The following INSR variants were observed in gnomAD, a reference collection of about 807,000 sequenced individuals.
INSR encodes insulin receptor, also known as IR.
A neutral mutation model predicts 142.6 loss-of-function variants in INSR; 67 were observed. That is an observed-to-expected ratio of 0.47 (90% CI 0.39 to 0.58). INSR has a LOEUF of 0.58. INSR is among the 20% of genes least tolerant of loss of function. The pLI, the probability that INSR is intolerant of heterozygous loss-of-function variation, is 0.00. For missense variants in INSR, 1,248 were observed against 1,833.2 expected (o/e 0.68, Z 5.83); for synonymous variants, 756 against 743.1 (o/e 1.02, Z -0.28).
chr19:7,168,182 C>T lies in INSR; in HGVS notation c.1484-88G>A. ...GGGACCCCCACACTTCCTGGAGGGA[C>T]CGTGAGAAGGCAGAGGTGACGCTGC... On this transcript the variant is annotated intron_variant, in intron 6 of 21. Transcript: ENST00000302850. The surrounding 1 kb of genome is among the most constrained non-coding windows in gnomAD (Gnocchi z 4.3). 1 of 1,374,714 alleles carries T rather than the reference C, an allele frequency of 7.3e-7. No homozygotes were observed. The highest frequency in any genetic ancestry group is 1.0e-6 in the Non-Finnish European group (1 of 970,052). The allele number at this position is 1,374,714 out of a possible 1,614,324, so 85.2% of individuals were successfully genotyped here. A position where few individuals can be genotyped will look rare whatever the true frequency, so the allele number is the denominator to read the frequency against.
At chr19:7,282,320 G>A (rs555031312) in intron 1 of INSR, among the ~76,000 whole-genome samples, 17 of 151,486 alleles carry the variant, frequency 1.1e-4, no homozygotes, top group South Asian at 2.1e-4. Context: ...AGCCGAGATC[G>A]TGCCACTACA....
chr19:7,194,285 T>C lies in INSR; in HGVS notation c.653-9648A>G, dbSNP rs959142305. Among the ~76,000 whole-genome samples, 7 of 151,784 alleles carry C rather than the reference T, an allele frequency of 4.6e-5. No individual in the cohort carries two copies. The South Asian group carries it at 1.2e-3, about 27-fold the overall frequency. ...TACAAAAATTAGCTGGGCGTGGTGG[T>C]AGGCACCTATAATCCCAGCTACTTG... On this transcript the variant is annotated intron_variant, in intron 2 of 21. Coordinates refer to ENST00000302850, the MANE Select transcript of INSR (RefSeq NM_000208.4).
intron 1 of INSR, among the ~76,000 whole-genome samples, chr19:7,282,749 G>A (rs939057274): frequency 1.3e-5 from 2 of 151,940 alleles, no homozygotes; most frequent in African/African-American, 4.8e-5. Context: ...CACTTTGGGA[G>A]GCCGAGGTGG....
rs868427292 is a variant in INSR, at chr19:7,116,895, C to G, written c.*161G>C. 2 of 669,032 alleles carry G rather than the reference C, an allele frequency of 3.0e-6. No homozygotes were observed. The highest frequency in any genetic ancestry group is 5.4e-6 in the Non-Finnish European group (2 of 371,140). The allele number at this position is 669,032 out of a possible 1,614,324, so 41.4% of individuals were successfully genotyped here. A position where few individuals can be genotyped will look rare whatever the true frequency, so the allele number is the denominator to read the frequency against. ...TCTGCAGGACTAGTTAAATTGGTAA[C>G]CAAACGAGTCCACCTTAAGATGAAC... On this transcript the variant is annotated 3_prime_UTR_variant, in exon 22 of 22. Transcript: ENST00000302850.
intron 2 of INSR, among the ~76,000 whole-genome samples, chr19:7,246,884 A>G (rs1976552696): frequency 1.3e-5 from 2 of 151,026 alleles, no homozygotes; most frequent in Admixed American, 1.3e-4. Flanking sequence ...GGTTTGTTAC[A>G]CAGCAAAAGC....
Position 7,213,785 on chromosome 19 carries a change from C to T in INSR, c.653-29148G>A, listed in dbSNP as rs529252773. On this transcript the variant is annotated intron_variant, in intron 2 of 21. Transcript: ENST00000302850. ...CTGGTGAGTCACGAAGTCAGGAGTT[C>T]GAGACCAGCCTGACCAACATGGTGA... Among the ~76,000 whole-genome samples the T allele has an allele frequency of 5.3e-5, 8 of 152,278 alleles. No individual in the cohort carries two copies. The East Asian group carries it at 1.4e-3, about 26-fold the overall frequency.
At chr19:7,187,336 C>T (rs956880843) in intron 2 of INSR, among the ~76,000 whole-genome samples, 1 of 152,014 alleles carries the variant, frequency 6.6e-6, no homozygotes, top group Non-Finnish European at 1.5e-5. Flanking sequence ...CTCACCCTGG[C>T]CCCCCAAAGT....
intron 2 of INSR, among the ~76,000 whole-genome samples, chr19:7,243,460 G>A (rs1423584629): frequency 1.3e-5 from 2 of 151,688 alleles, no homozygotes; most frequent in Admixed American, 6.6e-5. Flanking sequence ...TGGCCAGGCT[G>A]GTCTCGAACC....
At chr19:7,136,558 G>A (rs1027269373) in intron 13 of INSR, among the ~76,000 whole-genome samples, 1 of 151,736 alleles carries the variant, frequency 6.6e-6, no homozygotes, top group Admixed American at 6.6e-5. Flanking sequence ...CTGTTCCTGG[G>A]ACCCAAGGGT....
At chr19:7,172,195 A>G (rs1490728543) in intron 5 of INSR, 95 bp downstream of exon 5, 1 of 1,359,004 alleles carries the variant, frequency 7.4e-7, no homozygotes, top group Non-Finnish European at 1.0e-6. Context: ...TACAGGCATC[A>G]GCCACCACAC....
At chr19:7,226,173 C>T (rs1600057892) in intron 2 of INSR, among the ~76,000 whole-genome samples, 3 of 152,178 alleles carry the variant, frequency 2.0e-5, no homozygotes, top group East Asian at 1.9e-4. Flanking sequence ...TTTGGGAGGC[C>T]GAGGTGGGAG....
intron 8 of INSR, among the ~76,000 whole-genome samples, chr19:7,163,858 A>C (rs552688247): frequency 6.8e-6 from 1 of 146,378 alleles, no homozygotes; most frequent in African/African-American, 2.5e-5. Flanking sequence ...TGGGCGAATC[A>C]TCTGAATCAC....
At chr19:7,243,172 A>G (rs1976413760) in intron 2 of INSR, among the ~76,000 whole-genome samples, 1 of 144,860 alleles carries the variant, frequency 6.9e-6, no homozygotes, top group Non-Finnish European at 1.5e-5. Context: ...AAGATGAATC[A>G]CGGCCCATTT....
In INSR at chr19:7,256,548, T is replaced by A. The variant is rs138339275; in HGVS notation, c.652+10797A>T. The stretch of plus-strand genomic sequence containing the variant: ...GGGAGGTTGAAGCAGGTGGATTGCT[T>A]GGGCCCAGCAGTTCAAGACCAGCCT... On this transcript the variant is annotated intron_variant, in intron 2 of 21. Coordinates refer to ENST00000302850, the MANE Select transcript of INSR (RefSeq NM_000208.4). Among the ~76,000 whole-genome samples, 123 of 152,190 alleles carry A rather than the reference T, an allele frequency of 8.1e-4. 5 individuals carry two copies. In the East Asian group the frequency reaches 0.018, roughly 23 times the overall value.
chr19:7,289,412 T>C (rs865957318), intron 1 of INSR, among the ~76,000 whole-genome samples: 2,741 of 148,376 alleles, frequency 0.018, 92 homozygotes, highest in African/African-American at 0.063. Flanking sequence ...TTTCTTTTTT[T>C]TTTTTTTTTT....
At position 7,117,418 on chromosome 19, in the gene INSR, G is replaced by A. The variant is rs1299714470; in HGVS notation, c.3795-8C>T. 3.1e-6 allele frequency: 5 copies of A among 1,606,346 alleles called. No individual in the cohort carries two copies. Among genetic ancestry groups the A allele is most frequent in the Admixed American group, 1.7e-5 (1 of 59,870 alleles). On this transcript the variant is annotated splice_polypyrimidine_tract_variant and splice_region_variant and intron_variant, in intron 21 of 21. Transcript: ENST00000302850. ...ATGCGCATGAGGTCAGTGCTGCGGG[G>A]CAGAAGGACACGTCCTGGGTGAGTC...
At chr19:7,252,481 T>C (rs1976758141) in intron 2 of INSR, among the ~76,000 whole-genome samples, 1 of 152,132 alleles carries the variant, frequency 6.6e-6, no homozygotes. Context: ...AGTCAATTTA[T>C]TTGCAAATGA....
intron 1 of INSR, among the ~76,000 whole-genome samples, chr19:7,278,454 T>C (rs1968120416): frequency 6.6e-6 from 1 of 152,214 alleles, no homozygotes; most frequent in Admixed American, 6.5e-5. Context: ...ACTCTGGACA[T>C]TCATAAGGCA....
rs954150862 is a variant in INSR at position 7,233,201 on chromosome 19, C to T, written c.652+34144G>A. ...TAGAGACGGGGTTTCACCATGTTGG[C>T]CAGGCTGGTCTTGGACTCCTGACCT... On this transcript the variant is annotated intron_variant, in intron 2 of 21. Coordinates refer to ENST00000302850, the MANE Select transcript of INSR (RefSeq NM_000208.4). Among the ~76,000 whole-genome samples the T allele has an allele frequency of 3.9e-5, 6 of 152,130 alleles. No homozygotes were observed. In the East Asian group the frequency reaches 1.2e-3, roughly 29 times the overall value.
Sources: allele counts gnomAD v4.1 joint callset (sites outside exome capture counted in the v4.1 genomes callset), GRCh38; gene constraint gnomAD v4.1.1; non-coding constraint Gnocchi (gnomAD v3.1); transcripts MANE v1.5; gene names NCBI Gene and HGNC (gene_info 2026-07-23, HGNC 2026-07-21).